Variants in ZBTB48 observed in about 807,000 individuals in gnomAD.
ZBTB48 encodes zinc finger and BTB domain-containing protein 48.
In ZBTB48, 35 loss-of-function variants were observed where a neutral mutation model predicts 64.5. That is an observed-to-expected ratio of 0.54 (90% CI 0.41 to 0.72). The LOEUF (loss-of-function observed/expected upper bound fraction) is 0.72, where lower values mean the gene tolerates loss of function less well. Among genes scored for constraint, ZBTB48 ranks in the 30% least tolerant of loss-of-function variants. The pLI, the probability that ZBTB48 is intolerant of heterozygous loss-of-function variation, is 0.00. For missense variants in ZBTB48, 828 were observed against 895.3 expected (o/e 0.92, Z 0.96); for synonymous variants, 442 against 356.7 (o/e 1.24, Z -2.70).
Position 6,584,499 on chromosome 1 carries a change from G to A in ZBTB48, c.933-1420G>A, listed in dbSNP as rs905203463. 7.2e-5 allele frequency among the ~76,000 whole-genome samples: 11 copies of A among 152,354 alleles called. 1 individual carries two copies. The highest frequency in any genetic ancestry group is 2.4e-4 in the African/African-American group (10 of 41,584). Reference sequence around the variant, plus strand: ...ATGGTGTGTTTTCTTGCCATGCCAGGTTGGGCGGCACACTAGTAATCACCT... The same window carrying A: ...ATGGTGTGTTTTCTTGCCATGCCAGATTGGGCGGCACACTAGTAATCACCT... On this transcript the variant is annotated intron_variant, in intron 3 of 10. Transcript: ENST00000377674. This position sits in a 1 kb window ranked among gnomAD's most constrained non-coding sequence, Gnocchi z 4.5.
chr1:6,585,642 C>T (rs1335236493), intron 3 of ZBTB48: 1 of 441,184 alleles, frequency 2.3e-6, no homozygotes, highest in East Asian at 4.0e-5. Context: ...CTGTTTCTGC[C>T]TTCAGACAGA....
intron 3 of ZBTB48, among the ~76,000 whole-genome samples, chr1:6,583,400 A>T (rs1360579631): frequency 6.6e-6 from 1 of 152,046 alleles, no homozygotes; most frequent in Non-Finnish European, 1.5e-5. Context: ...TCCTGGGTTC[A>T]AGCGATTCTC....
chr1:6,585,710 C>T (rs182214286), intron 3 of ZBTB48: 1 of 584,898 alleles, frequency 1.7e-6, no homozygotes, highest in East Asian at 2.9e-5. Context: ...ATGGCAGCCT[C>T]TTAGGACCTG....
At position 6,580,744 on chromosome 1, in the gene ZBTB48, C is replaced by T. The variant is rs1640413688; in HGVS notation, c.135C>T (p.Ala45=). The change falls in exon 2 of 11, where the codon GCC becomes GCT. Residue 45 remains alanine (A), a synonymous_variant. Coordinates refer to ENST00000377674, the MANE Select transcript of ZBTB48 (RefSeq NM_005341.4). The surrounding 1 kb of genome is among the most constrained non-coding windows in gnomAD (Gnocchi z 5.2). ...TTAAGGCACACTGGAGTGTCCTTGCCTGCTGCAGTCACTTTTTCCAGAGCC... is the reference window on the plus strand; with the variant it reads ...TTAAGGCACACTGGAGTGTCCTTGCTTGCTGCAGTCACTTTTTCCAGAGCC... The part of the protein sequence containing the change: ...LVFKAHWSVL[A]CCSHFFQSLY... 2 of 1,614,092 alleles carry T rather than the reference C, an allele frequency of 1.2e-6. No individual in the cohort carries two copies. Among genetic ancestry groups the T allele is most frequent in the Non-Finnish European group, 1.7e-6 (2 of 1,180,046 alleles).
rs1286731841 is a variant in ZBTB48 at position 6,586,734 on chromosome 1, A to C, written c.1084A>C (p.Arg362=). ...TGTGTGCCAGGAGACATTCCGCCGA[A>C]GGATGGAGCTGCGGGTGCACATGGT... is the stretch of plus-strand genomic sequence containing the variant. ...CSVCQETFRR[R]MELRVHMVSH... The change falls in exon 5 of 11, where the codon AGG becomes CGG. Residue 362 remains arginine (R), a synonymous_variant. Coordinates refer to ENST00000377674, the MANE Select transcript of ZBTB48 (RefSeq NM_005341.4). The C allele has an allele frequency of 6.3e-7, 1 of 1,585,296 alleles. No homozygotes were observed. The highest frequency in any genetic ancestry group is 8.6e-7 in the Non-Finnish European group (1 of 1,164,344).
rs755096794 is a variant in ZBTB48, at chr1:6,588,770, C to T, written c.1696C>T (p.Arg566Cys). The T allele has an allele frequency of 5.0e-6, 8 of 1,614,080 alleles. No homozygotes were observed. The highest frequency in any genetic ancestry group is 2.2e-5 in the East Asian group (1 of 44,882). ...GKTFKAVEQLRVHVRRHKGVR... is the reference protein window; with the variant it reads ...GKTFKAVEQLCVHVRRHKGVR... ...CCCTCTTGCAGCCGTGGAGCAACTGCGTGTGCACGTCAGACGGCACAAGGG... is the reference window on the plus strand; with the variant it reads ...CCCTCTTGCAGCCGTGGAGCAACTGTGTGTGCACGTCAGACGGCACAAGGG... Residue 566 changes from arginine (R) to cysteine (C), a missense_variant, in exon 10 of 11, where the codon CGT becomes TGT. Arg to Cys is a radical substitution (Grantham distance 180). Coordinates refer to ENST00000377674, the MANE Select transcript of ZBTB48 (RefSeq NM_005341.4).
intron 9 of ZBTB48, 44 bp from the exon 10 acceptor site, chr1:6,588,712 C>A: frequency 2.5e-6 from 4 of 1,612,786 alleles, no homozygotes; most frequent in Non-Finnish European, 3.4e-6. Flanking sequence ...CTCGAGGGTC[C>A]CGGGGCTCCT....
Position 6,585,940 on chromosome 1 carries a change from C to CT in ZBTB48, c.957dup (p.Glu320Ter), listed in dbSNP as rs1175247315. 6.2e-6 allele frequency: 10 copies of CT among 1,614,106 alleles called. No individual in the cohort carries two copies. Reference sequence around the variant, plus strand: ...GCAGGAAACATACTGGGGAGAAACCCTTTGAGTGTCCCAAATGTGGGAAGT... The same window carrying CT: ...GCAGGAAACATACTGGGGAGAAACCCTTTTGAGTGTCCCAAATGTGGGAAGT... On this transcript the variant is annotated frameshift_variant, in exon 4 of 11. Coordinates refer to ENST00000377674, the MANE Select transcript of ZBTB48 (RefSeq NM_005341.4). LOFTEE classifies it high-confidence loss of function.
intron 5 of ZBTB48, 38 bp downstream of exon 5, chr1:6,586,825 G>T (rs558915981): frequency 6.3e-7 from 1 of 1,592,512 alleles, no homozygotes; most frequent in Non-Finnish European, 8.5e-7. Context: ...GGGTTGGGTG[G>T]CCCCAGGATC....
intron 9 of ZBTB48, 136 bp downstream of exon 9, chr1:6,588,578 A>G (rs1640764311): frequency 1.4e-6 from 2 of 1,439,872 alleles, no homozygotes; most frequent in Admixed American, 5.0e-5. Context: ...CCTGCTTTGA[A>G]GGCAGGGGTG....
chr1:6,582,069 G>A lies in ZBTB48; in HGVS notation c.702G>A (p.Val234=). The change falls in exon 3 of 11, where the codon GTG becomes GTA. Residue 234 remains valine, a synonymous_variant. Coordinates refer to ENST00000377674, the MANE Select transcript of ZBTB48 (RefSeq NM_005341.4). ...CTATTGTGCTCTAGTGGGAAGTGGT[G>A]GTTCAAGTGGAGGATGATGGGGATG... is the stretch of plus-strand genomic sequence containing the variant. ...LQGGSNEWEV[V]VQVEDDGDGD... 1.2e-6 allele frequency: 2 copies of A among 1,614,070 alleles called. No individual in the cohort carries two copies. The highest frequency in any genetic ancestry group is 1.7e-6 in the Non-Finnish European group (2 of 1,179,950).
rs1348881376 is a variant in ZBTB48 at position 6,580,160 on chromosome 1, A to C, written c.-70+24A>C. On this transcript the variant is annotated intron_variant, in intron 1 of 10. Transcript: ENST00000377674. The surrounding 1 kb of genome is among the most constrained non-coding windows in gnomAD (Gnocchi z 5.2). The stretch of plus-strand genomic sequence containing the variant: ...GGGTGAGGAGGGCGCGGGGTGAGGG[A>C]GGGAGGGGCTGCGGGCCGCCGTGGC... The C allele has an allele frequency of 1.1e-5, 2 of 186,338 alleles. No individual in the cohort carries two copies. Among genetic ancestry groups the C allele is most frequent in the Non-Finnish European group, 2.2e-5 (2 of 88,986 alleles). The allele number at this position is 186,338 out of a possible 1,614,324, so 11.5% of individuals were successfully genotyped here.
In ZBTB48 at chr1:6,580,447, C is replaced by T; in HGVS notation, c.-69-94C>T. 1.4e-6 allele frequency: 1 copy of T among 725,700 alleles called. No individual in the cohort carries two copies. The highest frequency in any genetic ancestry group is 2.2e-6 in the Non-Finnish European group (1 of 450,672). The allele number at this position is 725,700 out of a possible 1,614,324, so 45.0% of individuals were successfully genotyped here. On this transcript the variant is annotated intron_variant, in intron 1 of 10. Transcript: ENST00000377674. The surrounding 1 kb of genome is among the most constrained non-coding windows in gnomAD (Gnocchi z 5.2). ...AGGCTGTCAGTGTGTTCCAGCCCTCCGCGTGCACCCCTCACCCTGACCCAA... is the reference window on the plus strand; with the variant it reads ...AGGCTGTCAGTGTGTTCCAGCCCTCTGCGTGCACCCCTCACCCTGACCCAA...
At chr1:6,583,955 T>C (rs187206748) in intron 3 of ZBTB48, among the ~76,000 whole-genome samples, 127 of 152,066 alleles carry the variant, frequency 8.4e-4, no homozygotes, top group Non-Finnish European at 1.5e-3. Context: ...AATTTTTTTG[T>C]GTGTGTTTAG....
chr1:6,582,860 A>C (rs532876237), intron 3 of ZBTB48, among the ~76,000 whole-genome samples: 1 of 152,318 alleles, frequency 6.6e-6, no homozygotes, highest in South Asian at 2.1e-4. Flanking sequence ...AATGGAGACA[A>C]GGTTTTGCTC....
In ZBTB48 at chr1:6,585,953, A is replaced by G; in HGVS notation, c.967A>G (p.Lys323Glu). 1 of 1,614,080 alleles carries G rather than the reference A, an allele frequency of 6.2e-7. No homozygotes were observed. The highest frequency in any genetic ancestry group is 8.5e-7 in the Non-Finnish European group (1 of 1,179,972). The change falls in exon 4 of 11, where the codon AAA becomes GAA. Residue 323 changes from lysine to glutamate, a missense_variant. Physicochemically the swap from Lys to Glu is moderately conservative, Grantham distance 56. Coordinates refer to ENST00000377674, the MANE Select transcript of ZBTB48 (RefSeq NM_005341.4). ...HTGEKPFECP[K>E]CGKCYFRKEN... is the part of the protein sequence containing the mutation. ...TGGGGAGAAACCCTTTGAGTGTCCC[A>G]AATGTGGGAAGTGTTACTTTCGGAA...
At position 6,580,777 on chromosome 1, in the gene ZBTB48, G is replaced by T; in HGVS notation, c.168G>T (p.Gly56=). The T allele has an allele frequency of 1.2e-6, 2 of 1,614,200 alleles. No homozygotes were observed. The highest frequency in any genetic ancestry group is 1.7e-6 in the Non-Finnish European group (2 of 1,180,050). The change falls in exon 2 of 11, where the codon GGG becomes GGT. Residue 56 remains glycine (G), a synonymous_variant. Coordinates refer to ENST00000377674, the MANE Select transcript of ZBTB48 (RefSeq NM_005341.4). This position sits in a 1 kb window ranked among gnomAD's most constrained non-coding sequence, Gnocchi z 5.2. Reference sequence around the variant, plus strand: ...GTCACTTTTTCCAGAGCCTCTACGGGGATGGCTCAGGGGGCAGTGTCGTCC... The same window carrying T: ...GTCACTTTTTCCAGAGCCTCTACGGTGATGGCTCAGGGGGCAGTGTCGTCC... The part of the protein sequence containing the change: ...CCSHFFQSLY[G]DGSGGSVVLP...
chr1:6,588,459 G>T lies in ZBTB48; in HGVS notation c.1681+17G>T. 1 of 1,495,712 alleles carries T rather than the reference G, an allele frequency of 6.7e-7. No homozygotes were observed. Among genetic ancestry groups the T allele is most frequent in the Non-Finnish European group, 8.9e-7 (1 of 1,121,234 alleles). 92.7% of individuals were successfully genotyped at this position (1,495,712 alleles called of 1,614,324 possible). ...CCTTCAAAGGTACCTGGGCGGCCCT[G>T]GGAGAGCCATTTCCTGCTCATCCGA... On this transcript the variant is annotated intron_variant, in intron 9 of 10. Coordinates refer to ENST00000377674, the MANE Select transcript of ZBTB48 (RefSeq NM_005341.4).
chr1:6,586,746 C>G lies in ZBTB48; in HGVS notation c.1096C>G (p.Arg366Gly), dbSNP rs1238867150. 1.9e-6 allele frequency: 3 copies of G among 1,593,768 alleles called. No individual in the cohort carries two copies. The South Asian group carries it at 3.4e-5, about 18-fold the overall frequency. ...GACATTCCGCCGAAGGATGGAGCTGCGGGTGCACATGGTGTCTCACACAGG... is the reference window on the plus strand; with the variant it reads ...GACATTCCGCCGAAGGATGGAGCTGGGGGTGCACATGGTGTCTCACACAGG... ...QETFRRRMEL[R>G]VHMVSHTGEM... Residue 366 changes from arginine to glycine, a missense_variant, in exon 5 of 11, where the codon CGG (arginine) becomes GGG (glycine). Coordinates refer to ENST00000377674, the MANE Select transcript of ZBTB48 (RefSeq NM_005341.4).
Sources: gnomAD v4.1 joint callset for allele counts (sites outside exome capture counted in the v4.1 genomes callset) on GRCh38, gnomAD v4.1.1 for gene constraint, Gnocchi (gnomAD v3.1) non-coding constraint, MANE v1.5 for transcripts, NCBI Gene and HGNC (gene_info 2026-07-23, HGNC 2026-07-21) for gene names.